COL9A2: variants seen among roughly 807,000 people sequenced by gnomAD.
The protein encoded by COL9A2 is collagen alpha-2(IX) chain.
Under a neutral mutation model 111.6 loss-of-function variants are expected in COL9A2, and 66 were observed. That is an observed-to-expected ratio of 0.59 (90% CI 0.48 to 0.73). COL9A2 has a LOEUF of 0.73. Ranked by LOEUF, COL9A2 falls within the 30% of genes least tolerant of loss-of-function variation. COL9A2 has a pLI of 0.00. For synonymous variants in COL9A2, 353 were observed against 364.1 expected (o/e 0.97, Z 0.35); for missense variants, 881 against 954.1 (o/e 0.92, Z 1.01).
At chr1:40,309,606 C>T in intron 16 of COL9A2, among the ~76,000 whole-genome samples, 1 of 122,304 alleles carries the variant, frequency 8.2e-6, no homozygotes, top group Admixed American at 7.6e-5. Flanking sequence ...AGATGGTCCT[C>T]CCCAGCAGGT....
rs1308592110 is a variant in COL9A2 at position 40,312,422 on chromosome 1, T to C, written c.363+34A>G. ...CTGTTGTCCCCTCCTTCCCTGGGAG[T>C]TCTGGGGATCCTGCCCCATCCCTGA... On this transcript the variant is annotated intron_variant, in intron 7 of 31. Transcript: ENST00000372748. The surrounding 1 kb of genome is among the most constrained non-coding windows in gnomAD (Gnocchi z 6.0). 1.2e-6 allele frequency: 2 copies of C among 1,610,454 alleles called. No homozygotes were observed. The highest frequency in any genetic ancestry group is 1.1e-5 in the South Asian group (1 of 90,432).
intron 24 of COL9A2, 60 bp downstream of exon 24, chr1:40,304,260 G>A (rs1393474158): frequency 6.5e-7 from 1 of 1,540,904 alleles, no homozygotes; most frequent in Non-Finnish European, 8.8e-7. Context: ...GAGTCCTGCC[G>A]ACCCCACTCC....
At chr1:40,308,388 A>C in intron 16 of COL9A2, 143 bp from the exon 17 acceptor site, 1 of 869,560 alleles carries the variant, frequency 1.2e-6, no homozygotes, top group Non-Finnish European at 1.9e-6. Context: ...GCCGGAGGAG[A>C]GAGCCTTGGG....
Position 40,303,184 on chromosome 1 carries a change from C to A in COL9A2, c.1550G>T (p.Gly517Val). The A allele has an allele frequency of 6.2e-7, 1 of 1,610,974 alleles. No individual in the cohort carries two copies. The highest frequency in any genetic ancestry group is 8.5e-7 in the Non-Finnish European group (1 of 1,178,676). Reference protein sequence around the residue: ...PGQPGRQGVEGRDATDQHIVD... With the variant: ...PGQPGRQGVEVRDATDQHIVD... ...GATGTGCTGGTCAGTGGCATCCCGG[C>A]CCTGAAAGCAGAGGCCTTTCAGGAA... The change falls in exon 29 of 32, where the codon GGC (glycine) becomes GTC (valine). Residue 517 changes from glycine to valine, a missense_variant and splice_region_variant. Physicochemically the swap from Gly to Val is moderately radical, Grantham distance 109 (BLOSUM62 -3). Transcript: ENST00000372748. The surrounding 1 kb of genome is among the most constrained non-coding windows in gnomAD (Gnocchi z 4.6).
rs752181922 is a variant in COL9A2, at chr1:40,305,754, C to A, written c.1068G>T (p.Pro356=). ...GGPGDQGEPG[P]QGLPGFSGPP... is the part of the protein sequence containing the mutation. The stretch of plus-strand genomic sequence containing the variant: ...GACCAGAGAATCCAGGAAGGCCCTG[C>A]GGGCCCGGCTCACCCTGCAGGAAAA... The change falls in exon 21 of 32, where the codon CCG becomes CCT. Residue 356 remains proline (P), a synonymous_variant. Transcript: ENST00000372748. 2 of 1,614,034 alleles carry A rather than the reference C, an allele frequency of 1.2e-6. No individual in the cohort carries two copies. The highest frequency in any genetic ancestry group is 1.7e-5 in the Admixed American group (1 of 60,024).
At chr1:40,308,712 G>A (rs1387397471) in intron 16 of COL9A2, among the ~76,000 whole-genome samples, 1 of 152,232 alleles carries the variant, frequency 6.6e-6, no homozygotes, top group Non-Finnish European at 1.5e-5. Flanking sequence ...ATGTGAGAAT[G>A]AGTGCTTATT....
chr1:40,315,617 C>T lies in COL9A2; in HGVS notation c.123G>A (p.Pro41=), dbSNP rs1644206877. The change falls in exon 2 of 32, where the codon CCG becomes CCA. Residue 41 remains proline (P), a synonymous_variant. Transcript: ENST00000372748. ...CGATGCCGTCGGATCCAGGCACTCC[C>T]GGCGGTCCCGGGGGACCCGGGGGGC... ...ERGPPGPPGP[P]GVPGSDGIDG... 2.6e-6 allele frequency: 4 copies of T among 1,553,066 alleles called. No individual in the cohort carries two copies. The highest frequency in any genetic ancestry group is 2.0e-5 in the Admixed American group (1 of 51,030).
At chr1:40,301,496 A>G (rs1341907933) in intron 31 of COL9A2, 115 bp from the exon 32 acceptor site, 3 of 866,324 alleles carry the variant, frequency 3.5e-6, no homozygotes, top group Non-Finnish European at 3.6e-6. Context: ...CATAGGAGAA[A>G]GGACTCTGCC....
intron 4 of COL9A2, among the ~76,000 whole-genome samples, chr1:40,313,968 G>A (rs1644174244): frequency 6.6e-6 from 1 of 152,158 alleles, no homozygotes; most frequent in African/African-American, 2.4e-5. Context: ...GGAGGAACCT[G>A]CACCTCCCAG....
At position 40,304,425 on chromosome 1, in the gene COL9A2, A is replaced by G. The variant is rs74640710; in HGVS notation, c.1216-34T>C. On this transcript the variant is annotated intron_variant, in intron 23 of 31. Coordinates refer to ENST00000372748, the MANE Select transcript of COL9A2 (RefSeq NM_001852.4). ...AAAAGAAACCAAAGGAATAAATGGA[A>G]TGAGGGGCCTGGATATGACGCCCTG... is the stretch of plus-strand genomic sequence containing the variant. The G allele has an allele frequency of 5.9e-4, 949 of 1,612,976 alleles. 4 individuals carry two copies. The African/African-American group carries it at 0.011, about 19-fold the overall frequency.
At position 40,302,136 on chromosome 1, in the gene COL9A2, G is replaced by A. The variant is rs1165036809; in HGVS notation, c.1793-247C>T. Among the ~76,000 whole-genome samples, 5 of 152,154 alleles carry A rather than the reference G, an allele frequency of 3.3e-5. No individual in the cohort carries two copies. The highest frequency in any genetic ancestry group is 6.5e-5 in the Admixed American group (1 of 15,284). ...AATATCTAGCATTTACTGTGTCTCA[G>A]TGAACTAAGACAAACTCTATGTAAA... is the stretch of plus-strand genomic sequence containing the variant. On this transcript the variant is annotated intron_variant, in intron 30 of 31. Coordinates refer to ENST00000372748, the MANE Select transcript of COL9A2 (RefSeq NM_001852.4). The surrounding 1 kb of genome is among the most constrained non-coding windows in gnomAD (Gnocchi z 4.5).
chr1:40,309,015 G>A (rs989799186), intron 16 of COL9A2, among the ~76,000 whole-genome samples: 2 of 152,160 alleles, frequency 1.3e-5, no homozygotes, highest in African/African-American at 4.8e-5. Flanking sequence ...GGAGGCCGAG[G>A]CAGGTGGATC....
Position 40,302,817 on chromosome 1 carries a change from G to C in COL9A2, c.1604-8C>G, listed in dbSNP as rs772277162. On this transcript the variant is annotated splice_polypyrimidine_tract_variant and splice_region_variant and intron_variant, in intron 29 of 31. Transcript: ENST00000372748. The surrounding 1 kb of genome is among the most constrained non-coding windows in gnomAD (Gnocchi z 4.5). ...CGACCTCTGCCAGTTGCTCTGGAGG[G>C]AGGGAGGGAGGGAGGGAGAGGGAAG... The C allele has an allele frequency of 8.2e-7, 1 of 1,224,268 alleles. No homozygotes were observed. Among genetic ancestry groups the C allele is most frequent in the Non-Finnish European group, 1.1e-6 (1 of 895,806 alleles). 75.8% of individuals were successfully genotyped at this position (1,224,268 alleles called of 1,614,324 possible). A position where few individuals can be genotyped will look rare whatever the true frequency, so the allele number is the denominator to read the frequency against.
chr1:40,302,777 G>T lies in COL9A2; in HGVS notation c.1636C>A (p.Arg546=), dbSNP rs772278003. The T allele has an allele frequency of 3.2e-6, 5 of 1,546,474 alleles. No homozygotes were observed. In the South Asian group the frequency reaches 5.9e-5, roughly 18 times the overall value. Residue 546 remains arginine (R), a synonymous_variant, in exon 30 of 32, where the codon CGG becomes AGG. Coordinates refer to ENST00000372748, the MANE Select transcript of COL9A2 (RefSeq NM_001852.4). The surrounding 1 kb of genome is among the most constrained non-coding windows in gnomAD (Gnocchi z 4.5). ...QLAEVAVSAK[R]EALGAVGMMG... ...ATGCCCACCGCACCCAGGGCTTCCC[G>T]CTTGGCACTCACGGCGACCTCTGCC...
chr1:40,312,356 A>AGCTG lies in COL9A2; in HGVS notation c.363+96_363+99dup. 3 of 1,497,672 alleles carry AGCTG rather than the reference A, an allele frequency of 2.0e-6. No homozygotes were observed. Among genetic ancestry groups the AGCTG allele is most frequent in the Non-Finnish European group, 2.7e-6 (3 of 1,093,996 alleles). The allele number at this position is 1,497,672 out of a possible 1,614,324, so 92.8% of individuals were successfully genotyped here. A position where few individuals can be genotyped will look rare whatever the true frequency, so the allele number is the denominator to read the frequency against. On this transcript the variant is annotated intron_variant, in intron 7 of 31. Transcript: ENST00000372748. This position sits in a 1 kb window ranked among gnomAD's most constrained non-coding sequence, Gnocchi z 6.0. Reference sequence around the variant, plus strand: ...ACTTATTCCTGACACTATCACAGCAAGCTGGCTCCTTCCCATGGTGGCCAT... The same window carrying AGCTG: ...ACTTATTCCTGACACTATCACAGCAAGCTGGCTGGCTCCTTCCCATGGTGGCCAT...
chr1:40,310,910 G>T lies in COL9A2; in HGVS notation c.631-143C>A. The T allele has an allele frequency of 9.3e-7, 1 of 1,071,796 alleles. No homozygotes were observed. Among genetic ancestry groups the T allele is most frequent in the Non-Finnish European group, 1.4e-6 (1 of 710,752 alleles). 66.4% of individuals were successfully genotyped at this position (1,071,796 alleles called of 1,614,324 possible). ...CCTACAGTCCTGTGTTACAGATAGA[G>T]AAAAGCCAAGCAAGGAGACATGACC... is the stretch of plus-strand genomic sequence containing the variant. On this transcript the variant is annotated intron_variant, in intron 12 of 31. Transcript: ENST00000372748. This position sits in a 1 kb window ranked among gnomAD's most constrained non-coding sequence, Gnocchi z 4.9.
chr1:40,301,703 G>C, intron 31 of COL9A2, 109 bp downstream of exon 31: 2 of 1,068,826 alleles, frequency 1.9e-6, no homozygotes, highest in South Asian at 3.0e-5. Context: ...GGGTATCAAG[G>C]ACTGAGCTGG....
chr1:40,303,434 G>T lies in COL9A2; in HGVS notation c.1548+96C>A. The T allele has an allele frequency of 2.0e-6, 3 of 1,531,384 alleles. No individual in the cohort carries two copies. The highest frequency in any genetic ancestry group is 2.7e-6 in the Non-Finnish European group (3 of 1,123,862). 94.9% of individuals were successfully genotyped at this position (1,531,384 alleles called of 1,614,324 possible). A position where few individuals can be genotyped will look rare whatever the true frequency, so the allele number is the denominator to read the frequency against. ...CTTGGAACCAGTCTCGGGGAAGTCG[G>T]TGAGTCTCTGGGAATCCCTAGCCTT... On this transcript the variant is annotated intron_variant, in intron 28 of 31. Coordinates refer to ENST00000372748, the MANE Select transcript of COL9A2 (RefSeq NM_001852.4). The surrounding 1 kb of genome is among the most constrained non-coding windows in gnomAD (Gnocchi z 4.6).
At position 40,315,652 on chromosome 1, in the gene COL9A2, C is replaced by T. The variant is rs193238892; in HGVS notation, c.88G>A (p.Gly30Arg). The T allele has an allele frequency of 8.4e-5, 130 of 1,553,654 alleles. No individual in the cohort carries two copies. In the East Asian group the frequency reaches 1.8e-3, roughly 21 times the overall value. ...LALAQIRGPP[G>R]ERGPPGPPGP... Reference sequence around the variant, plus strand: ...GGGGGACCCGGGGGGCCCCGCTCTCCCGGTGGACCTCTCTGAAAAACACAC... The same window carrying T: ...GGGGGACCCGGGGGGCCCCGCTCTCTCGGTGGACCTCTCTGAAAAACACAC... Residue 30 changes from glycine (G) to arginine (R), a missense_variant, in exon 2 of 32, where the codon GGA becomes AGA. Transcript: ENST00000372748.
Sources: allele counts gnomAD v4.1 joint callset (sites outside exome capture counted in the v4.1 genomes callset), GRCh38; gene constraint gnomAD v4.1.1; non-coding constraint Gnocchi (gnomAD v3.1); transcripts MANE v1.5; gene names NCBI Gene and HGNC (gene_info 2026-07-23, HGNC 2026-07-21).